Variants in TACC2 observed in about 807,000 individuals in gnomAD.
The protein encoded by TACC2 is transforming acidic coiled-coil containing protein 2, also known as transforming acidic coiled-coil-containing protein 2.
Under a neutral mutation model 227.3 loss-of-function variants are expected in TACC2, and 137 were observed. The ratio of observed to expected loss-of-function variants is 0.60; its 90% CI spans 0.52 to 0.69. The LOEUF (loss-of-function observed/expected upper bound fraction) is 0.69. Among genes scored for constraint, TACC2 ranks in the 30% least tolerant of loss-of-function variants. TACC2 has a pLI of 0.00. For missense variants in TACC2, 3,470 were observed against 3,694.4 expected (o/e 0.94, Z 1.57); for synonymous variants, 1,523 against 1,487.5 (o/e 1.02, Z -0.55).
At chr10:122,058,797 ATCAAGAAC>A (rs2076469403) in intron 3 of TACC2, among the ~76,000 whole-genome samples, 1 of 152,100 alleles carries the variant, frequency 6.6e-6, no homozygotes, top group Non-Finnish European at 1.5e-5. Context: ...AAGGTTCTGG[ATCAAGAAC>A]CCAAAAGAAA....
Position 122,083,187 on chromosome 10 carries a change from G to A in TACC2, c.687G>A (p.Glu229=), listed in dbSNP as rs1429480913. ...GTGGTTTTGAGTCCCAAGAGAAAGA[G>A]GCTGCAGGTGGCTTTCCCCCTGCAG... ...QPGGFESQEK[E]AAGGFPPAES... The change falls in exon 4 of 23, where the codon GAG becomes GAA. Residue 229 remains glutamate (E), a synonymous_variant. Coordinates refer to ENST00000369005, the MANE Select transcript of TACC2 (RefSeq NM_206862.4). The A allele has an allele frequency of 3.7e-6, 6 of 1,613,418 alleles. No homozygotes were observed. The highest frequency in any genetic ancestry group is 5.1e-6 in the Non-Finnish European group (6 of 1,180,026).
intron 2 of TACC2, among the ~76,000 whole-genome samples, chr10:122,041,648 T>C (rs1012575603): frequency 6.6e-6 from 1 of 152,162 alleles, no homozygotes; most frequent in African/African-American, 2.4e-5. Context: ...GGTTTCACCG[T>C]GTTGCCCAGG....
intron 1 of TACC2, among the ~76,000 whole-genome samples, chr10:121,998,566 G>T (rs1953868240): frequency 6.6e-6 from 1 of 152,112 alleles, no homozygotes. Flanking sequence ...TTTCGTAAGT[G>T]TTATTAATGA....
intron 1 of TACC2, among the ~76,000 whole-genome samples, chr10:122,008,473 T>C (rs549222524): frequency 1.3e-5 from 2 of 152,052 alleles, no homozygotes; most frequent in African/African-American, 4.8e-5. Context: ...TTGGTCAGGC[T>C]GGTCTCGAAC....
intron 3 of TACC2, among the ~76,000 whole-genome samples, chr10:122,079,648 G>A (rs894549498): frequency 2.0e-5 from 3 of 152,220 alleles, no homozygotes; most frequent in Admixed American, 2.0e-4. Flanking sequence ...TGAGGAGCAG[G>A]ACAGAGAGGC....
At position 122,086,992 on chromosome 10, in the gene TACC2, C is replaced by T. The variant is rs756245611; in HGVS notation, c.4492C>T (p.Leu1498=). 71 of 1,613,884 alleles carry T rather than the reference C, an allele frequency of 4.4e-5. No homozygotes were observed. The highest frequency in any genetic ancestry group is 5.8e-5 in the Non-Finnish European group (68 of 1,180,056). Residue 1498 remains leucine, a synonymous_variant, in exon 4 of 23, where the codon CTG becomes TTG. Coordinates refer to ENST00000369005, the MANE Select transcript of TACC2 (RefSeq NM_206862.4). The part of the protein sequence containing the change: ...ALQDPASDKL[L]GPAGLTWERN... ...GCAAGATCCAGCTTCAGACAAGCTT[C>T]TGGGTCCAGCAGGGCTGACCTGGGA...
chr10:122,041,465 G>A lies in TACC2; in HGVS notation c.34-8973G>A, dbSNP rs530407980. 2.4e-4 allele frequency among the ~76,000 whole-genome samples: 25 copies of A among 105,664 alleles called. No homozygotes were observed. In the South Asian group the frequency reaches 3.4e-3, roughly 14 times the overall value. The allele number at this position is 105,664 out of a possible 152,430, so 69.3% of individuals were successfully genotyped here. On this transcript the variant is annotated intron_variant, in intron 2 of 22. Transcript: ENST00000369005. ...TCTTTTTTTTTTTTTTTCTCGTAAC[G>A]AGACAGAGTCCTGCTTTGTCACCCA...
At position 122,082,722 on chromosome 10, in the gene TACC2, C is replaced by G. The variant is rs779193768; in HGVS notation, c.222C>G (p.Ser74=). 2 of 1,614,070 alleles carry G rather than the reference C, an allele frequency of 1.2e-6. No homozygotes were observed. Among genetic ancestry groups the G allele is most frequent in the Non-Finnish European group, 8.5e-7 (1 of 1,180,014 alleles). The part of the protein sequence containing the change: ...SSASLDPCLV[S]PEVTEPRKDP... Reference sequence around the variant, plus strand: ...CCAGCCTGGATCCATGCCTTGTGTCCCCAGAGGTGACTGAGCCAAGGAAGG... The same window carrying G: ...CCAGCCTGGATCCATGCCTTGTGTCGCCAGAGGTGACTGAGCCAAGGAAGG... Residue 74 remains serine, a synonymous_variant, in exon 4 of 23, where the codon TCC becomes TCG. Transcript: ENST00000369005.
chr10:122,155,833 ATT>A (rs66559186), intron 7 of TACC2, among the ~76,000 whole-genome samples: 11,544 of 117,916 alleles, frequency 0.098, 378 homozygotes, highest in East Asian at 0.24. Context: ...TAGTGGGAAA[ATT>A]TTTTTTTTTT....
At chr10:122,070,438 G>A (rs988947768) in intron 3 of TACC2, among the ~76,000 whole-genome samples, 1 of 152,064 alleles carries the variant, frequency 6.6e-6, no homozygotes, top group Non-Finnish European at 1.5e-5. Flanking sequence ...GCAAAATCCT[G>A]TCTCTACAAA....
intron 11 of TACC2, 142 bp downstream of exon 11, chr10:122,216,970 A>T (rs948906316): frequency 6.7e-7 from 1 of 1,496,598 alleles, no homozygotes; most frequent in Non-Finnish European, 9.0e-7. Context: ...CTCCCGCTGC[A>T]CTTGCAGCTC....
intron 2 of TACC2, among the ~76,000 whole-genome samples, chr10:122,041,565 G>A (rs1008836680): frequency 9.9e-5 from 15 of 151,360 alleles, no homozygotes; most frequent in Non-Finnish European, 2.2e-4. Context: ...TCCTGTTTCA[G>A]CCTCCTGAGT....
At chr10:122,045,038 C>A in intron 2 of TACC2, among the ~76,000 whole-genome samples, 1 of 152,050 alleles carries the variant, frequency 6.6e-6, no homozygotes. Flanking sequence ...ATCTCTAAGA[C>A]GGGGAACAGG....
At chr10:122,188,793 A>G (rs1221880317) in intron 7 of TACC2, among the ~76,000 whole-genome samples, 1 of 152,184 alleles carries the variant, frequency 6.6e-6, no homozygotes, top group African/African-American at 2.4e-5. Context: ...CCACGAAGTG[A>G]TAGCTACTTG....
chr10:122,016,260 T>TTAAA, intron 1 of TACC2, among the ~76,000 whole-genome samples: 1 of 33,576 alleles, frequency 3.0e-5, no homozygotes, highest in Non-Finnish European at 5.3e-5. Flanking sequence ...AGACCCTGTC[T>TTAAA]GAAAAAAAAA....
chr10:122,145,533 A>G (rs548682473), intron 7 of TACC2, among the ~76,000 whole-genome samples: 1 of 152,330 alleles, frequency 6.6e-6, no homozygotes, highest in Non-Finnish European at 1.5e-5. Context: ...ACTACAAATG[A>G]GCATGAAGAG....
chr10:122,221,466 G>C (rs963488108), intron 11 of TACC2, among the ~76,000 whole-genome samples: 2 of 152,164 alleles, frequency 1.3e-5, no homozygotes, highest in African/African-American at 4.8e-5. Flanking sequence ...CTTTAACACA[G>C]CTCTGTTAGT....
At chr10:122,044,545 C>G (rs1408494281) in intron 2 of TACC2, among the ~76,000 whole-genome samples, 1 of 152,078 alleles carries the variant, frequency 6.6e-6, no homozygotes, top group East Asian at 1.9e-4. Context: ...CCAAGGAGCT[C>G]GTTCAAAGAG....
At chr10:122,018,129 C>A (rs1956923814) in intron 1 of TACC2, among the ~76,000 whole-genome samples, 1 of 152,024 alleles carries the variant, frequency 6.6e-6, no homozygotes, top group Non-Finnish European at 1.5e-5. Flanking sequence ...TTCTCACCCC[C>A]ATCCCCCAAC....
Sources: allele counts gnomAD v4.1 joint callset (sites outside exome capture counted in the v4.1 genomes callset), GRCh38; gene constraint gnomAD v4.1.1; transcripts MANE v1.5; gene names NCBI Gene and HGNC (gene_info 2026-07-23, HGNC 2026-07-21).